Variants in AP1S3 observed in about 807,000 individuals in gnomAD.
AP1S3 encodes the protein adaptor related protein complex 1 subunit sigma 3.
A neutral mutation model predicts 20.9 loss-of-function variants in AP1S3; 10 were observed. That is an observed-to-expected ratio of 0.48 (90% CI 0.29 to 0.81). AP1S3 has a LOEUF of 0.81. AP1S3 is among the 30% of genes least tolerant of loss of function. The pLI, the probability that AP1S3 is intolerant of heterozygous loss-of-function variation, is 0.08. For missense variants in AP1S3, 154 were observed against 183.8 expected, an observed-to-expected ratio of 0.84 and a Z score of 0.94; for synonymous variants, 41 against 61.5, an observed-to-expected ratio of 0.67 and a Z score of 1.56.
chr2:223,837,528 C>A lies in AP1S3; in HGVS notation c.-78G>T. 1 of 1,043,876 alleles carries A rather than the reference C, an allele frequency of 9.6e-7. No individual in the cohort carries two copies. The allele number at this position is 1,043,876 out of a possible 1,614,324, so 64.7% of individuals were successfully genotyped here. On this transcript the variant is annotated 5_prime_UTR_variant, in exon 1 of 5. Transcript: ENST00000396654. ...CGAGGGCGAGAGGCGAGCGCTGGAG[C>A]CGGTGCGGCTGACAGGTGAGGCGCC...
At chr2:223,789,626 G>C (rs1261579558) in intron 1 of AP1S3, among the ~76,000 whole-genome samples, 1 of 148,492 alleles carries the variant, frequency 6.7e-6, no homozygotes, top group African/African-American at 2.5e-5. Context: ...GATCACTCAA[G>C]ACCAGGAGTT....
At chr2:223,768,004 C>T (rs555872973) in intron 3 of AP1S3, among the ~76,000 whole-genome samples, 1 of 152,266 alleles carries the variant, frequency 6.6e-6, no homozygotes, top group East Asian at 1.9e-4. Flanking sequence ...ACTGCAATGA[C>T]CTTCCAGGTG....
chr2:223,832,492 A>G (rs17244479), intron 1 of AP1S3, among the ~76,000 whole-genome samples: 72,092 of 151,860 alleles, frequency 0.47, 17,253 homozygotes, highest in Admixed American at 0.57. Context: ...GGACAACTGA[A>G]CACCACAAAG....
At chr2:223,788,639 C>T (rs2106100794) in intron 1 of AP1S3, among the ~76,000 whole-genome samples, 1 of 151,622 alleles carries the variant, frequency 6.6e-6, no homozygotes, top group East Asian at 2.0e-4. Context: ...TGGCACATGC[C>T]TGTAATCCCA....
chr2:223,801,270 G>T (rs149429168), intron 1 of AP1S3, among the ~76,000 whole-genome samples: 2 of 152,134 alleles, frequency 1.3e-5, no homozygotes, highest in Non-Finnish European at 2.9e-5. Context: ...TAAGTACCTT[G>T]TTCCAGATCG....
At chr2:223,760,947 C>A (rs965725687) in intron 4 of AP1S3, among the ~76,000 whole-genome samples, 3 of 152,100 alleles carry the variant, frequency 2.0e-5, no homozygotes, top group Non-Finnish European at 4.4e-5. Context: ...TCGGGAGGGG[C>A]CTGGAGTTGA....
chr2:223,757,472 G>T lies in AP1S3; in HGVS notation c.*1243C>A. 1 of 446,072 alleles carries T rather than the reference G, an allele frequency of 2.2e-6. No homozygotes were observed. The highest frequency in any genetic ancestry group is 3.0e-6 in the Non-Finnish European group (1 of 337,594). The allele number at this position is 446,072 out of a possible 1,614,324, so 27.6% of individuals were successfully genotyped here. A position where few individuals can be genotyped will look rare whatever the true frequency, so the allele number is the denominator to read the frequency against. On this transcript the variant is annotated 3_prime_UTR_variant, in exon 5 of 5. Transcript: ENST00000396654. ...CGGCCTAATTTTTGTATTTTTAGTA[G>T]AGATGGGGTTTCATCATATTGGCCA...
chr2:223,807,876 T>TTTC (rs1190257520), intron 1 of AP1S3, among the ~76,000 whole-genome samples: 4 of 126,942 alleles, frequency 3.2e-5, no homozygotes, highest in African/African-American at 1.2e-4. Context: ...TCTTTTTTTT[T>TTTC]TTTTTTTTTT....
At chr2:223,788,829 A>G (rs1691139271) in intron 1 of AP1S3, among the ~76,000 whole-genome samples, 1 of 151,882 alleles carries the variant, frequency 6.6e-6, no homozygotes, top group South Asian at 2.1e-4. Context: ...ACCCTCCTGG[A>G]TCCTAAACCT....
In AP1S3 at chr2:223,807,867, C is replaced by CTT. The variant is rs138805104; in HGVS notation, c.3+29579_3+29580dup. On this transcript the variant is annotated intron_variant, in intron 1 of 4. Coordinates refer to ENST00000396654, the MANE Select transcript of AP1S3 (RefSeq NM_001039569.2). ...TTACCTAGTCTCAGGCATTTCTTTT[C>CTT]TTTTTTTTTTTTTTTTTTTTTTTTT... 5.2e-3 allele frequency among the ~76,000 whole-genome samples: 225 copies of CTT among 43,228 alleles called. 24 individuals carry two copies. The highest frequency in any genetic ancestry group is 0.011 in the African/African-American group (105 of 9,798). 28.4% of individuals were successfully genotyped at this position (43,228 alleles called of 152,430 possible).
At chr2:223,820,050 T>A (rs575177416) in intron 1 of AP1S3, among the ~76,000 whole-genome samples, 1 of 152,226 alleles carries the variant, frequency 6.6e-6, no homozygotes, top group Non-Finnish European at 1.5e-5. Context: ...ATTGGCATAA[T>A]GTTTGCTAAA....
intron 1 of AP1S3, among the ~76,000 whole-genome samples, chr2:223,834,749 G>A (rs924548259): frequency 6.6e-6 from 1 of 151,762 alleles, no homozygotes; most frequent in Non-Finnish European, 1.5e-5. Flanking sequence ...CAGAGACCCT[G>A]TCTCAAAAAT....
intron 1 of AP1S3, among the ~76,000 whole-genome samples, chr2:223,793,758 C>T (rs540959664): frequency 1.2e-4 from 18 of 152,162 alleles, no homozygotes; most frequent in Admixed American, 5.2e-4. Context: ...TCTAAAACTT[C>T]GTACCCTTTG....
chr2:223,826,565 C>T (rs1393760595), intron 1 of AP1S3, among the ~76,000 whole-genome samples: 1 of 151,906 alleles, frequency 6.6e-6, no homozygotes, highest in East Asian at 1.9e-4. Context: ...TGCACTTCAG[C>T]TTGGGTGACA....
chr2:223,825,388 A>G (rs1291986779), intron 1 of AP1S3, among the ~76,000 whole-genome samples: 1 of 151,886 alleles, frequency 6.6e-6, no homozygotes, highest in Non-Finnish European at 1.5e-5. Context: ...TATTTCCTTA[A>G]TAATTATTCC....
intron 1 of AP1S3, among the ~76,000 whole-genome samples, chr2:223,812,512 G>A (rs938173220): frequency 2.0e-5 from 3 of 152,094 alleles, no homozygotes; most frequent in South Asian, 2.1e-4. Context: ...GTGAGCCACC[G>A]TGCCCAGCCA....
In AP1S3 at chr2:223,837,460, G is replaced by A; in HGVS notation, c.-10C>T. The A allele has an allele frequency of 1.6e-6, 2 of 1,283,116 alleles. No homozygotes were observed. Among genetic ancestry groups the A allele is most frequent in the South Asian group, 2.7e-5 (1 of 37,546 alleles). 79.5% of individuals were successfully genotyped at this position (1,283,116 alleles called of 1,614,324 possible). ...CCCCCGCACTCACCATCGTGGCTGG[G>A]CCGCCGCCTCCCCCGCCTTGCGAGC... On this transcript the variant is annotated 5_prime_UTR_variant, in exon 1 of 5. Coordinates refer to ENST00000396654, the MANE Select transcript of AP1S3 (RefSeq NM_001039569.2).
In AP1S3 at chr2:223,837,517, G is replaced by A; in HGVS notation, c.-67C>T. On this transcript the variant is annotated 5_prime_UTR_variant, in exon 1 of 5. Coordinates refer to ENST00000396654, the MANE Select transcript of AP1S3 (RefSeq NM_001039569.2). ...CGCTGGAGAAGCGAGGGCGAGAGGC[G>A]AGCGCTGGAGCCGGTGCGGCTGACA... 3.5e-6 allele frequency: 4 copies of A among 1,144,808 alleles called. No homozygotes were observed. Among genetic ancestry groups the A allele is most frequent in the Non-Finnish European group, 4.4e-6 (4 of 900,044 alleles). 70.9% of individuals were successfully genotyped at this position (1,144,808 alleles called of 1,614,324 possible). A position where few individuals can be genotyped will look rare whatever the true frequency, so the allele number is the denominator to read the frequency against.
At chr2:223,790,498 T>C (rs537645334) in intron 1 of AP1S3, among the ~76,000 whole-genome samples, 11 of 152,218 alleles carry the variant, frequency 7.2e-5, no homozygotes, top group African/African-American at 2.6e-4. Context: ...CCTCCCAAAG[T>C]GCTGAGATTA....
Sources: gnomAD v4.1 joint callset for allele counts (sites outside exome capture counted in the v4.1 genomes callset) on GRCh38, gnomAD v4.1.1 for gene constraint, MANE v1.5 for transcripts, NCBI Gene and HGNC (gene_info 2026-07-23, HGNC 2026-07-21) for gene names.